Variants in LUZP2 observed in about 807,000 individuals in gnomAD.
The protein encoded by LUZP2 is leucine zipper protein 2.
A neutral mutation model predicts 51.6 loss-of-function variants in LUZP2; 52 were observed. The ratio of observed to expected loss-of-function variants is 1.01; its 90% CI spans 0.81 to 1.27. The LOEUF is 1.27. Ranked by LOEUF, LUZP2 falls within the 50% of genes most tolerant of loss-of-function variation. The pLI, the probability that LUZP2 is intolerant of heterozygous loss-of-function variation, is 0.00. For synonymous variants in LUZP2, 154 were observed against 137.3 expected, an observed-to-expected ratio of 1.12 and a Z score of -0.85; for missense variants, 436 against 395.4, an observed-to-expected ratio of 1.10 and a Z score of -0.87.
chr11:24,746,176 C>A (rs573993745), intron 4 of LUZP2, among the ~76,000 whole-genome samples: 1 of 152,096 alleles, frequency 6.6e-6, no homozygotes, highest in African/African-American at 2.4e-5. Context: ...TAAAGAGGTT[C>A]TGTTTTGATG....
intron 9 of LUZP2, among the ~76,000 whole-genome samples, chr11:25,013,782 G>T (rs1460504594): frequency 6.6e-6 from 1 of 151,748 alleles, no homozygotes; most frequent in Non-Finnish European, 1.5e-5. Context: ...AAGTTTTAGG[G>T]TACATGTGCA....
At chr11:24,576,821 T>C (rs928035934) in intron 1 of LUZP2, among the ~76,000 whole-genome samples, 1 of 152,070 alleles carries the variant, frequency 6.6e-6, no homozygotes, top group Non-Finnish European at 1.5e-5. Flanking sequence ...ACCACCAAAT[T>C]ACTTGTTATA....
At chr11:24,809,756 T>C (rs557817173) in intron 5 of LUZP2, among the ~76,000 whole-genome samples, 1 of 152,242 alleles carries the variant, frequency 6.6e-6, no homozygotes, top group African/African-American at 2.4e-5. Context: ...TTTGTGTGTG[T>C]GTGTTAGATT....
intron 5 of LUZP2, among the ~76,000 whole-genome samples, chr11:24,882,220 ATTG>A (rs1251586145): frequency 1.3e-5 from 2 of 152,024 alleles, no homozygotes; most frequent in African/African-American, 2.4e-5. Flanking sequence ...TATATTGTCT[ATTG>A]TTCTGTAGAT....
intron 9 of LUZP2, among the ~76,000 whole-genome samples, chr11:25,023,018 A>C (rs1477944518): frequency 6.6e-6 from 1 of 152,128 alleles, no homozygotes; most frequent in Non-Finnish European, 1.5e-5. Context: ...TATGGTGGAT[A>C]AACTTTTTGA....
intron 5 of LUZP2, among the ~76,000 whole-genome samples, chr11:24,898,625 G>A (rs928341937): frequency 2.0e-5 from 2 of 102,212 alleles, no homozygotes; most frequent in African/African-American, 7.8e-5. Context: ...TCTGTGTCAG[G>A]AAGAAAAAAA....
intron 5 of LUZP2, among the ~76,000 whole-genome samples, chr11:24,887,473 T>C (rs1308968377): frequency 1.3e-5 from 2 of 152,156 alleles, no homozygotes; most frequent in African/African-American, 2.4e-5. Flanking sequence ...TTTAAGTTTG[T>C]TGGCAATGAA....
chr11:24,875,983 A>C (rs1852248434), intron 5 of LUZP2, among the ~76,000 whole-genome samples: 1 of 151,484 alleles, frequency 6.6e-6, no homozygotes, highest in Admixed American at 6.6e-5. Context: ...GTTTGAGTTC[A>C]TTGTAGATTC....
chr11:24,499,316 A>G (rs1849918497), intron 1 of LUZP2, among the ~76,000 whole-genome samples: 1 of 152,234 alleles, frequency 6.6e-6, no homozygotes, highest in African/African-American at 2.4e-5. Context: ...TTGAACAAAT[A>G]TGAAAAGCAA....
chr11:24,793,151 C>G (rs1017002499), intron 5 of LUZP2, among the ~76,000 whole-genome samples: 2 of 152,126 alleles, frequency 1.3e-5, no homozygotes, highest in African/African-American at 4.8e-5. Flanking sequence ...CATGCTGGAA[C>G]AGGTCAGGTT....
At chr11:24,890,846 GA>G in intron 5 of LUZP2, 1 of 885,628 alleles carries the variant, frequency 1.1e-6, no homozygotes, top group Non-Finnish European at 1.3e-6. Context: ...ATCACATATA[GA>G]AAAAATATAA....
At chr11:24,650,778 G>A (rs1486650477) in intron 1 of LUZP2, among the ~76,000 whole-genome samples, 1 of 152,032 alleles carries the variant, frequency 6.6e-6, no homozygotes, top group Non-Finnish European at 1.5e-5. Flanking sequence ...TCTTGAGGAG[G>A]CTGCTAAAGT....
intron 5 of LUZP2, among the ~76,000 whole-genome samples, chr11:24,862,027 C>T (rs1019485611): frequency 6.6e-6 from 1 of 152,152 alleles, no homozygotes; most frequent in Non-Finnish European, 1.5e-5. Flanking sequence ...AGGCTTCTGA[C>T]CTTTCAGAAG....
intron 9 of LUZP2, among the ~76,000 whole-genome samples, chr11:25,018,097 G>A (rs1310295465): frequency 7.6e-6 from 1 of 131,862 alleles, no homozygotes; most frequent in Non-Finnish European, 1.6e-5. Flanking sequence ...TTGACTTCTT[G>A]ATTTGATATT....
intron 7 of LUZP2, among the ~76,000 whole-genome samples, chr11:24,968,248 A>G (rs886370322): frequency 7.1e-4 from 108 of 152,286 alleles, no homozygotes; most frequent in African/African-American, 2.5e-3. Flanking sequence ...CTGTAAGTGA[A>G]CACACAGTAA....
At chr11:25,070,248 G>A (rs1859114554) in intron 10 of LUZP2, among the ~76,000 whole-genome samples, 1 of 151,812 alleles carries the variant, frequency 6.6e-6, no homozygotes, top group South Asian at 2.1e-4. Context: ...TATATATTAT[G>A]TTCACAAAAT....
intron 1 of LUZP2, among the ~76,000 whole-genome samples, chr11:24,543,267 A>G (rs1851436317): frequency 6.6e-6 from 1 of 151,932 alleles, no homozygotes; most frequent in South Asian, 2.1e-4. Flanking sequence ...CTTACTCCAG[A>G]TAACTTAGCA....
At chr11:24,592,914 C>T (rs937582217) in intron 1 of LUZP2, among the ~76,000 whole-genome samples, 6 of 152,132 alleles carry the variant, frequency 3.9e-5, no homozygotes, top group Admixed American at 1.3e-4. Context: ...GAACAGAATC[C>T]ATTACAGACA....
intron 1 of LUZP2, among the ~76,000 whole-genome samples, chr11:24,693,667 G>C (rs1857149529): frequency 1.3e-5 from 2 of 151,778 alleles, no homozygotes; most frequent in South Asian, 4.1e-4. Context: ...ATTTTTTTCT[G>C]TACTGCATAG....
Sources: gnomAD v4.1 joint callset for allele counts (sites outside exome capture counted in the v4.1 genomes callset) on GRCh38, gnomAD v4.1.1 for gene constraint, MANE v1.5 for transcripts, NCBI Gene and HGNC (gene_info 2026-07-23, HGNC 2026-07-21) for gene names.